ARHGAP28: variants seen among roughly 807,000 people sequenced by gnomAD.
ARHGAP28 encodes the protein Rho GTPase activating protein 28.
A neutral mutation model predicts 90.7 loss-of-function variants in ARHGAP28; 56 were observed. That is an observed-to-expected ratio of 0.62 (90% CI 0.50 to 0.77). ARHGAP28 has a LOEUF of 0.77. ARHGAP28 is among the 30% of genes least tolerant of loss of function. The pLI, the probability that ARHGAP28 is intolerant of heterozygous loss-of-function variation, is 0.00. For synonymous variants in ARHGAP28, 308 were observed against 323.3 expected, an observed-to-expected ratio of 0.95 and a Z score of 0.51; for missense variants, 869 against 900.9, an observed-to-expected ratio of 0.96 and a Z score of 0.45.
At chr18:6,865,212 C>T (rs553207059) in intron 5 of ARHGAP28, among the ~76,000 whole-genome samples, 7 of 152,250 alleles carry the variant, frequency 4.6e-5, no homozygotes, top group Non-Finnish European at 1.0e-4. Flanking sequence ...TGGCTATTCT[C>T]ATGGATATTT....
rs560600906 is a variant in ARHGAP28 at position 6,890,325 on chromosome 18, C to T, written c.1735-105C>T. On this transcript the variant is annotated intron_variant, in intron 13 of 17. Coordinates refer to ENST00000383472, the MANE Select transcript of ARHGAP28 (RefSeq NM_001366230.1). ...AGGACAATGCCACCATTCCTGGCTCCAGGATACCGAGTGACTGGGAGGAGT... is the reference window on the plus strand; with the variant it reads ...AGGACAATGCCACCATTCCTGGCTCTAGGATACCGAGTGACTGGGAGGAGT... 6.7e-5 allele frequency: 53 copies of T among 787,368 alleles called. No individual in the cohort carries two copies. In the African/African-American group the frequency reaches 7.9e-4, roughly 12 times the overall value. 48.8% of individuals were successfully genotyped at this position (787,368 alleles called of 1,614,324 possible).
chr18:6,859,684 T>C, intron 4 of ARHGAP28, 124 bp from the exon 5 acceptor site: 4 of 960,546 alleles, frequency 4.2e-6, no homozygotes, highest in Non-Finnish European at 6.4e-6. Context: ...CAATTGTCCA[T>C]GCACAGGCAG....
chr18:6,792,938 G>A (rs944966780), intron 1 of ARHGAP28, among the ~76,000 whole-genome samples: 11 of 152,130 alleles, frequency 7.2e-5, no homozygotes, highest in Non-Finnish European at 1.3e-4. Context: ...GCTACTTCCA[G>A]TATGATGCTC....
chr18:6,896,796 T>A, intron 16 of ARHGAP28, 170 bp downstream of exon 16: 1 of 718,008 alleles, frequency 1.4e-6, no homozygotes, highest in Non-Finnish European at 2.1e-6. Flanking sequence ...AGTAGATATA[T>A]GATTGCTAAC....
At chr18:6,864,270 T>G (rs893852017) in intron 5 of ARHGAP28, among the ~76,000 whole-genome samples, 7 of 152,100 alleles carry the variant, frequency 4.6e-5, no homozygotes, top group Admixed American at 1.3e-4. Context: ...TTCACCATAT[T>G]AGCCAGGCTA....
At position 6,909,033 on chromosome 18, in the gene ARHGAP28, A is replaced by G. The variant is rs770643404; in HGVS notation, c.2095+9A>G. 7.1e-7 allele frequency: 1 copy of G among 1,415,744 alleles called. No homozygotes were observed. Among genetic ancestry groups the G allele is most frequent in the South Asian group, 1.2e-5 (1 of 83,624 alleles). The allele number at this position is 1,415,744 out of a possible 1,614,324, so 87.7% of individuals were successfully genotyped here. A position where few individuals can be genotyped will look rare whatever the true frequency, so the allele number is the denominator to read the frequency against. The stretch of plus-strand genomic sequence containing the variant: ...AATTGGAGGAAATATAGGTAAGCAT[A>G]CTGTAATAATTTCTACTGCTAAATT... On this transcript the variant is annotated intron_variant, in intron 17 of 17. Transcript: ENST00000383472.
rs526171 is a variant in ARHGAP28, at chr18:6,880,414, C to A, written c.1291-1723C>A. On this transcript the variant is annotated intron_variant, in intron 10 of 17. Coordinates refer to ENST00000383472, the MANE Select transcript of ARHGAP28 (RefSeq NM_001366230.1). The stretch of plus-strand genomic sequence containing the variant: ...ATAACTGGGTTCTTTGCCTGTCACT[C>A]GCTTCCACCCACCCGACCTATGCCA... Among the ~76,000 whole-genome samples the A allele has an allele frequency of 5.9e-5, 9 of 152,004 alleles. No individual in the cohort carries two copies. In the South Asian group the frequency reaches 1.2e-3, roughly 21 times the overall value.
In ARHGAP28 at chr18:6,743,361, G is replaced by A. The variant is rs557148667; in HGVS notation, c.122+13418G>A. 2.0e-5 allele frequency among the ~76,000 whole-genome samples: 3 copies of A among 152,142 alleles called. No homozygotes were observed. In the South Asian group the frequency reaches 6.2e-4, roughly 32 times the overall value. ...ATATTGTCTATTTTCTTCATTACTG[G>A]ATCCTTAACTACCTTCCCCTCTCCC... On this transcript the variant is annotated intron_variant, in intron 1 of 17. Transcript: ENST00000383472.
chr18:6,766,910 C>A (rs2056204256), intron 1 of ARHGAP28, among the ~76,000 whole-genome samples: 2 of 152,172 alleles, frequency 1.3e-5, no homozygotes, highest in African/African-American at 4.8e-5. Context: ...CATGTCATAT[C>A]TTGGTCCGTC....
rs939656287 is a variant in ARHGAP28, at chr18:6,850,834, G to A, written c.544-200G>A. 2.0e-6 allele frequency: 3 copies of A among 1,535,242 alleles called. No homozygotes were observed. In the African/African-American group the frequency reaches 4.1e-5, roughly 21 times the overall value. Reference sequence around the variant, plus strand: ...TGCTTCTGAGACGAATTCTGTTACAGTACATGGCATTTATGAGGATCAATG... The same window carrying A: ...TGCTTCTGAGACGAATTCTGTTACAATACATGGCATTTATGAGGATCAATG... On this transcript the variant is annotated intron_variant, in intron 3 of 17. Transcript: ENST00000383472.
rs374268571 is a variant in ARHGAP28 at position 6,816,202 on chromosome 18, G to A, written c.123-8560G>A. Among the ~76,000 whole-genome samples the A allele has an allele frequency of 5.9e-5, 9 of 152,288 alleles. No individual in the cohort carries two copies. In the East Asian group the frequency reaches 9.7e-4, roughly 16 times the overall value. On this transcript the variant is annotated intron_variant, in intron 1 of 17. Coordinates refer to ENST00000383472, the MANE Select transcript of ARHGAP28 (RefSeq NM_001366230.1). The stretch of plus-strand genomic sequence containing the variant: ...GAATGAAGGCAGAAACCCCTTCTGT[G>A]TTCTTGGTCCTGTTAGTCTGAAACT...
intron 3 of ARHGAP28, chr18:6,850,655 C>A: frequency 1.6e-6 from 1 of 632,778 alleles, no homozygotes; most frequent in Non-Finnish European, 2.6e-6. Context: ...AGACACTCCA[C>A]CAAGTAGAAT....
chr18:6,815,479 A>G lies in ARHGAP28; in HGVS notation c.123-9283A>G, dbSNP rs577679657. ...ATTTTTAAATTGAGATACAATTCATATAACATAAAATCTACTCCTTTAAAG... is the reference window on the plus strand; with the variant it reads ...ATTTTTAAATTGAGATACAATTCATGTAACATAAAATCTACTCCTTTAAAG... On this transcript the variant is annotated intron_variant, in intron 1 of 17. Coordinates refer to ENST00000383472, the MANE Select transcript of ARHGAP28 (RefSeq NM_001366230.1). Among the ~76,000 whole-genome samples, 140 of 152,356 alleles carry G rather than the reference A, an allele frequency of 9.2e-4. 3 individuals carry two copies. In the South Asian group the frequency reaches 0.029, roughly 31 times the overall value.
chr18:6,763,285 G>A (rs765717366), intron 1 of ARHGAP28, among the ~76,000 whole-genome samples: 4 of 151,974 alleles, frequency 2.6e-5, no homozygotes, highest in Non-Finnish European at 4.4e-5. Context: ...GTTTCACCAC[G>A]TTGGCCAGGC....
intron 1 of ARHGAP28, among the ~76,000 whole-genome samples, chr18:6,763,948 G>A (rs1283047158): frequency 6.6e-6 from 1 of 152,132 alleles, no homozygotes; most frequent in East Asian, 1.9e-4. Flanking sequence ...TAATTATCAA[G>A]AATATGCTAT....
Position 6,756,734 on chromosome 18 carries a change from G to T in ARHGAP28, c.122+26791G>T, listed in dbSNP as rs534113886. Among the ~76,000 whole-genome samples the T allele has an allele frequency of 9.0e-4, 137 of 152,332 alleles. 2 individuals carry two copies. The highest frequency in any genetic ancestry group is 5.1e-4 in the Non-Finnish European group (35 of 68,034). On this transcript the variant is annotated intron_variant, in intron 1 of 17. Coordinates refer to ENST00000383472, the MANE Select transcript of ARHGAP28 (RefSeq NM_001366230.1). ...AATCTCAAAAGTAGGGAAGCCGACA[G>T]TGCAGCCTTCAGTCTTTGGCCAAAG... is the stretch of plus-strand genomic sequence containing the variant.
In ARHGAP28 at chr18:6,846,592, C is replaced by T. The variant is rs554766679; in HGVS notation, c.544-4442C>T. 3.9e-5 allele frequency among the ~76,000 whole-genome samples: 6 copies of T among 152,232 alleles called. No individual in the cohort carries two copies. In the South Asian group the frequency reaches 1.2e-3, roughly 32 times the overall value. On this transcript the variant is annotated intron_variant, in intron 3 of 17. Transcript: ENST00000383472. Reference sequence around the variant, plus strand: ...ATTATATTTTTCCGAAGTGTGCTAACACCTTCCAGTCATACCTTCCTTCCC... The same window carrying T: ...ATTATATTTTTCCGAAGTGTGCTAATACCTTCCAGTCATACCTTCCTTCCC...
intron 1 of ARHGAP28, among the ~76,000 whole-genome samples, chr18:6,777,724 C>CAATG (rs899041714): frequency 1.7e-3 from 259 of 151,326 alleles, no homozygotes; most frequent in African/African-American, 5.5e-3. Flanking sequence ...GACCCTGTCT[C>CAATG]AATGAATGAA....
At chr18:6,907,546 C>T (rs1261130471) in intron 16 of ARHGAP28, among the ~76,000 whole-genome samples, 1 of 152,054 alleles carries the variant, frequency 6.6e-6, no homozygotes, top group Non-Finnish European at 1.5e-5. Context: ...AAAGGCAATA[C>T]AAAAATGTTT....
Sources: allele counts gnomAD v4.1 joint callset (sites outside exome capture counted in the v4.1 genomes callset), GRCh38; gene constraint gnomAD v4.1.1; transcripts MANE v1.5; gene names NCBI Gene and HGNC (gene_info 2026-07-23, HGNC 2026-07-21).